KIAA1217: variants seen among roughly 807,000 people sequenced by gnomAD.
KIAA1217 encodes the protein KIAA1217.
KIAA1217 carries 88 observed loss-of-function variants against 163.9 expected under a neutral mutation model. The ratio of observed to expected loss-of-function variants is 0.54; its 90% CI spans 0.45 to 0.64. The LOEUF (loss-of-function observed/expected upper bound fraction) is 0.64, where lower values mean the gene tolerates loss of function less well. Among genes scored for constraint, KIAA1217 ranks in the 30% least tolerant of loss-of-function variants. The pLI is 0.00. For missense variants in KIAA1217, 2,372 were observed against 2,475.0 expected, an observed-to-expected ratio of 0.96 and a Z score of 0.88; for synonymous variants, 903 against 923.1, an observed-to-expected ratio of 0.98 and a Z score of 0.39.
At chr10:23,941,610 C>T (rs1843771280) in intron 1 of KIAA1217, among the ~76,000 whole-genome samples, 1 of 151,946 alleles carries the variant, frequency 6.6e-6, no homozygotes, top group Non-Finnish European at 1.5e-5. Context: ...GGGAGGTGAC[C>T]ACAGAATGTA....
intron 1 of KIAA1217, among the ~76,000 whole-genome samples, chr10:23,750,992 C>T (rs1183618665): frequency 6.7e-6 from 1 of 149,812 alleles, no homozygotes; most frequent in African/African-American, 2.5e-5. Flanking sequence ...CTTTCCTTCC[C>T]TTCCCTTCCC....
intron 2 of KIAA1217, among the ~76,000 whole-genome samples, chr10:24,251,536 T>G (rs1245477530): frequency 6.6e-6 from 1 of 151,882 alleles, no homozygotes; most frequent in East Asian, 1.9e-4. Flanking sequence ...CATCCTGATT[T>G]TAAAAAATCA....
intron 1 of KIAA1217, among the ~76,000 whole-genome samples, chr10:23,724,450 T>C (rs1007979274): frequency 3.9e-5 from 6 of 152,250 alleles, no homozygotes; most frequent in Admixed American, 1.3e-4. Flanking sequence ...AACAATTTTC[T>C]ATATTTCTTA....
At chr10:24,041,380 G>A (rs924847444) in intron 2 of KIAA1217, among the ~76,000 whole-genome samples, 2 of 152,150 alleles carry the variant, frequency 1.3e-5, no homozygotes, top group African/African-American at 4.8e-5. Context: ...GTGACCCCTT[G>A]AACACATTTG....
chr10:23,776,828 G>C (rs1052106478), intron 1 of KIAA1217, among the ~76,000 whole-genome samples: 1 of 151,684 alleles, frequency 6.6e-6, no homozygotes, highest in Non-Finnish European at 1.5e-5. Flanking sequence ...TTACAGGAGT[G>C]CACCACCACA....
At chr10:23,923,371 A>T (rs1842916649) in intron 1 of KIAA1217, among the ~76,000 whole-genome samples, 3 of 152,232 alleles carry the variant, frequency 2.0e-5, no homozygotes, top group Admixed American at 2.0e-4. Context: ...ATGGTGAGAA[A>T]GTCACACTGT....
intron 2 of KIAA1217, among the ~76,000 whole-genome samples, chr10:24,059,128 A>G (rs2060627562): frequency 6.6e-6 from 1 of 152,198 alleles, no homozygotes; most frequent in South Asian, 2.1e-4. Context: ...GCATCTATTG[A>G]GATGAGCATG....
intron 1 of KIAA1217, among the ~76,000 whole-genome samples, chr10:23,934,172 TGTG>T (rs1374364867): frequency 6.6e-6 from 1 of 152,092 alleles, no homozygotes; most frequent in Non-Finnish European, 1.5e-5. Context: ...ATAAGTAAAA[TGTG>T]GTACATGTAC....
intron 1 of KIAA1217, among the ~76,000 whole-genome samples, chr10:23,811,273 TA>T (rs1371896289): frequency 1.4e-4 from 20 of 145,510 alleles, no homozygotes; most frequent in Non-Finnish European, 2.4e-4. Context: ...AGTATCTATA[TA>T]TAGATTATAC....
At chr10:24,010,557 T>C (rs1847198718) in intron 2 of KIAA1217, among the ~76,000 whole-genome samples, 1 of 151,898 alleles carries the variant, frequency 6.6e-6, no homozygotes, top group Non-Finnish European at 1.5e-5. Context: ...TCAAGTTTTC[T>C]TGAAAGATTT....
intron 1 of KIAA1217, among the ~76,000 whole-genome samples, chr10:23,768,771 T>C (rs1454065952): frequency 6.6e-6 from 1 of 152,168 alleles, no homozygotes; most frequent in Non-Finnish European, 1.5e-5. Context: ...TCAAGGATTA[T>C]TGACTTTCCC....
chr10:24,291,391 A>G (rs931631038), intron 2 of KIAA1217, among the ~76,000 whole-genome samples: 6 of 152,176 alleles, frequency 3.9e-5, no homozygotes, highest in Non-Finnish European at 8.8e-5. Flanking sequence ...GTAGCCAGGC[A>G]TGGTGGCAGG....
chr10:24,520,650 AAATATATAT>A, intron 11 of KIAA1217, among the ~76,000 whole-genome samples: 1 of 77,192 alleles, frequency 1.3e-5, no homozygotes, highest in South Asian at 4.1e-4. Context: ...AAAAAAAAAA[AAATATATAT>A]ATATATATAT....
intron 2 of KIAA1217, among the ~76,000 whole-genome samples, chr10:24,127,935 T>A (rs60584727): frequency 7.2e-4 from 110 of 152,288 alleles, no homozygotes; most frequent in Middle Eastern, 3.4e-3. Context: ...ACAATTGGAA[T>A]AAAAACAAAG....
chr10:23,853,741 G>C (rs574977919), intron 1 of KIAA1217, among the ~76,000 whole-genome samples: 116 of 152,234 alleles, frequency 7.6e-4, no homozygotes, highest in African/African-American at 2.6e-3. Flanking sequence ...GTTTAGTCTT[G>C]GGAGGGTGTG....
At chr10:23,725,921 G>T (rs6482325) in intron 1 of KIAA1217, among the ~76,000 whole-genome samples, 41,394 of 151,950 alleles carry the variant, frequency 0.27, 6,862 homozygotes, top group African/African-American at 0.47. Context: ...TGTTTAAAAA[G>T]GTTGTCTATA....
At chr10:24,126,768 A>G (rs1447567343) in intron 2 of KIAA1217, among the ~76,000 whole-genome samples, 2 of 151,966 alleles carry the variant, frequency 1.3e-5, no homozygotes, top group Admixed American at 6.6e-5. Context: ...CTAGATAGAA[A>G]CAGATAGGCA....
At chr10:24,445,867 G>A (rs1235903134) in intron 5 of KIAA1217, among the ~76,000 whole-genome samples, 15 of 152,108 alleles carry the variant, frequency 9.9e-5, no homozygotes, top group African/African-American at 2.7e-4. Flanking sequence ...TTATAGCAGC[G>A]TGATTTATAA....
intron 6 of KIAA1217, among the ~76,000 whole-genome samples, chr10:24,491,318 C>T (rs1418414189): frequency 8.6e-6 from 1 of 116,126 alleles, no homozygotes; most frequent in African/African-American, 3.4e-5. Flanking sequence ...GAGACAGAGT[C>T]TCGCTCTGTC....
Sources: gnomAD v4.1 joint callset for allele counts (sites outside exome capture counted in the v4.1 genomes callset) on GRCh38, gnomAD v4.1.1 for gene constraint, MANE v1.5 for transcripts, NCBI Gene and HGNC (gene_info 2026-07-23, HGNC 2026-07-21) for gene names.